Variants in CACNA2D2 observed in about 807,000 individuals in gnomAD.
CACNA2D2 encodes the protein calcium voltage-gated channel auxiliary subunit alpha2delta 2.
In CACNA2D2, 48 loss-of-function variants were observed where a neutral mutation model predicts 166.4. The observed-to-expected ratio is 0.29, with a 90% CI of 0.23 to 0.37. The LOEUF (loss-of-function observed/expected upper bound fraction) is 0.37, where lower values mean the gene tolerates loss of function less well. CACNA2D2 is among the 10% of genes least tolerant of loss of function. CACNA2D2 has a pLI of 1.00. For synonymous variants in CACNA2D2, 561 were observed against 573.7 expected, an observed-to-expected ratio of 0.98 and a Z score of 0.32; for missense variants, 1,122 against 1,433.0, an observed-to-expected ratio of 0.78 and a Z score of 3.50.
chr3:50,475,197 C>T (rs1172934673), intron 2 of CACNA2D2, among the ~76,000 whole-genome samples: 1 of 152,170 alleles, frequency 6.6e-6, no homozygotes, highest in Non-Finnish European at 1.5e-5. Flanking sequence ...ACCGAGGTTA[C>T]ATCTGCTGAC....
In CACNA2D2 at chr3:50,375,278, TG is replaced by T. The variant is rs1384216295; in HGVS notation, c.1907+365del. Among the ~76,000 whole-genome samples the T allele has an allele frequency of 1.3e-5, 2 of 152,066 alleles. No homozygotes were observed. Among genetic ancestry groups the T allele is most frequent in the African/African-American group, 4.8e-5 (2 of 41,382 alleles). ...TGTGGGCTGGCATGGGCTGTGAGGA[TG>T]CCCCGGCATTTCAGGATGGACTAGC... On this transcript the variant is annotated intron_variant, in intron 21 of 37. Coordinates refer to ENST00000424201, the MANE Select transcript of CACNA2D2 (RefSeq NM_006030.4). The surrounding 1 kb of genome is among the most constrained non-coding windows in gnomAD (Gnocchi z 4.0).
At chr3:50,441,587 A>G (rs9849892) in intron 2 of CACNA2D2, among the ~76,000 whole-genome samples, 150,707 of 152,390 alleles carry the variant, frequency 0.99, 74,524 homozygotes, top group East Asian at 1. Context: ...GGCCTGCCCT[A>G]AATGTGCCCC....
chr3:50,486,521 C>A (rs1352728220), intron 1 of CACNA2D2, among the ~76,000 whole-genome samples: 2 of 152,144 alleles, frequency 1.3e-5, no homozygotes, highest in African/African-American at 4.8e-5. Flanking sequence ...CCCCTCAGAG[C>A]AAAATCCTCT....
At position 50,377,486 on chromosome 3, in the gene CACNA2D2, C is replaced by T. The variant is rs139046100; in HGVS notation, c.1607G>A (p.Arg536Lys). The T allele has an allele frequency of 1.4e-4, 226 of 1,613,014 alleles. No individual in the cohort carries two copies. The highest frequency in any genetic ancestry group is 1.7e-4 in the Non-Finnish European group (202 of 1,179,954). Residue 536 changes from arginine (R) to lysine (K), a missense_variant, in exon 17 of 38, where the codon AGG (arginine) becomes AAG (lysine). Arg to Lys is a conservative substitution (Grantham distance 26, BLOSUM62 2). This residue lies in a region of CACNA2D2 where 840 missense variants were observed against 1,166.8 expected (regional missense o/e 0.72). Transcript: ENST00000424201. ...GIDVALNDIK[R>K]LTPNYTLGAN... The stretch of plus-strand genomic sequence containing the variant: ...GCTCACCGTGTAGTTGGGGGTCAGC[C>T]TCTTGATGTCATTCAGAGCCACGTC...
chr3:50,462,387 A>AAATAATAATAATAAT (rs55797246), intron 2 of CACNA2D2, among the ~76,000 whole-genome samples: 10 of 137,600 alleles, frequency 7.3e-5, no homozygotes, highest in Middle Eastern at 3.7e-3. Context: ...GACTGTCTCA[A>AAATAATAATAATAAT]AATAATAATA....
rs1409073548 is a variant in CACNA2D2, at chr3:50,460,722, C to T, written c.288+15396G>A. On this transcript the variant is annotated intron_variant, in intron 2 of 37. Transcript: ENST00000424201. ...ATAAAAAATTAGCCAGGCGTGGTGG[C>T]GGGCACCTGTAGTCCCAGCTACTCG... 7.2e-5 allele frequency among the ~76,000 whole-genome samples: 11 copies of T among 152,020 alleles called. No individual in the cohort carries two copies. In the East Asian group the frequency reaches 9.7e-4, roughly 13 times the overall value.
intron 1 of CACNA2D2, among the ~76,000 whole-genome samples, chr3:50,501,269 ATCC>A (rs1698951211): frequency 6.6e-6 from 1 of 152,152 alleles, no homozygotes. Context: ...ATCAATGTGC[ATCC>A]TCGTCTGCGG....
chr3:50,371,395 G>A (rs1704649991), intron 22 of CACNA2D2, among the ~76,000 whole-genome samples: 1 of 151,796 alleles, frequency 6.6e-6, no homozygotes, highest in Admixed American at 6.6e-5. Flanking sequence ...TCTCTGTATG[G>A]GTTTGAGAGT....
intron 2 of CACNA2D2, among the ~76,000 whole-genome samples, chr3:50,468,973 C>T (rs1457334845): frequency 1.3e-5 from 2 of 152,080 alleles, no homozygotes; most frequent in Admixed American, 1.3e-4. Flanking sequence ...GGATTACAGG[C>T]ATGCACCACC....
At chr3:50,482,932 G>C (rs1052172770) in intron 1 of CACNA2D2, among the ~76,000 whole-genome samples, 1 of 152,202 alleles carries the variant, frequency 6.6e-6, no homozygotes, top group African/African-American at 2.4e-5. Context: ...GAGGGCAACA[G>C]TCTAGCCGAG....
rs1414277783 is a variant in CACNA2D2, at chr3:50,381,035, C to T, written c.744G>A (p.Gln248=). The part of the protein sequence containing the change: ...NRRQDPTLLW[Q]VFGSATGVTR... ...TGACTCCTGTGGCGCTGCCGAAGAC[C>T]TGCCACAGCAGTGTGGGGTCTTGTC... The change falls in exon 7 of 38, where the codon CAG becomes CAA. Residue 248 remains glutamine (Q), a synonymous_variant. Transcript: ENST00000424201. 1 of 1,613,852 alleles carries T rather than the reference C, an allele frequency of 6.2e-7. No individual in the cohort carries two copies. Among genetic ancestry groups the T allele is most frequent in the Non-Finnish European group, 8.5e-7 (1 of 1,179,868 alleles).
intron 2 of CACNA2D2, among the ~76,000 whole-genome samples, chr3:50,462,240 C>T (rs1473600632): frequency 1.3e-5 from 2 of 151,966 alleles, no homozygotes; most frequent in African/African-American, 2.4e-5. Context: ...AATACAAAAA[C>T]GAGGCAGGTG....
In CACNA2D2 at chr3:50,365,220, G is replaced by GCCCCC; in HGVS notation, c.3099-37_3099-36insGGGGG. ...CCCGGAAAGGCGGGGCGTTGAGTTT[G>GCCCCC]CCCCGCCCTGACCCACCCCCATCCT... On this transcript the variant is annotated intron_variant, in intron 35 of 37. Coordinates refer to ENST00000424201, the MANE Select transcript of CACNA2D2 (RefSeq NM_006030.4). This position sits in a 1 kb window ranked among gnomAD's most constrained non-coding sequence, Gnocchi z 4.5. 6.3e-7 allele frequency: 1 copy of GCCCCC among 1,575,440 alleles called. No individual in the cohort carries two copies. The highest frequency in any genetic ancestry group is 8.7e-7 in the Non-Finnish European group (1 of 1,150,782).
intron 2 of CACNA2D2, among the ~76,000 whole-genome samples, chr3:50,442,172 G>A (rs1409574419): frequency 1.3e-5 from 2 of 152,196 alleles, no homozygotes; most frequent in Non-Finnish European, 2.9e-5. Flanking sequence ...TTTGGAGTGA[G>A]AAAGAATCAA....
At chr3:50,444,260 G>T (rs377050008) in intron 2 of CACNA2D2, among the ~76,000 whole-genome samples, 1 of 152,330 alleles carries the variant, frequency 6.6e-6, no homozygotes, top group East Asian at 1.9e-4. Flanking sequence ...GCAGCTGGCT[G>T]GCTTTTCATC....
In CACNA2D2 at chr3:50,364,907, C is replaced by A; in HGVS notation, c.3272G>T (p.Cys1091Phe). ...CCTCACTGTCGCGTTGTAGTCGAAG[C>A]AGATGTGCGGGCCTCTCCGGTATCG... The part of the protein sequence containing the change: ...RPRYRRGPHI[C>F]FDYNATEDTS... Residue 1091 changes from cysteine (C) to phenylalanine (F), a missense_variant, in exon 37 of 38, where the codon TGC (cysteine) becomes TTC (phenylalanine). By Grantham distance (205) the Cys-to-Phe change is radical. This residue lies in a region of CACNA2D2 where 282 missense variants were observed against 266.2 expected (regional missense o/e 1.06). Coordinates refer to ENST00000424201, the MANE Select transcript of CACNA2D2 (RefSeq NM_006030.4). The A allele has an allele frequency of 6.2e-7, 1 of 1,613,406 alleles. No homozygotes were observed. The highest frequency in any genetic ancestry group is 8.5e-7 in the Non-Finnish European group (1 of 1,179,916).
At chr3:50,454,736 T>C (rs532677255) in intron 2 of CACNA2D2, among the ~76,000 whole-genome samples, 1 of 152,102 alleles carries the variant, frequency 6.6e-6, no homozygotes, top group African/African-American at 2.4e-5. Flanking sequence ...AGCCTGTTAG[T>C]GAAGGAGGAG....
At chr3:50,446,531 C>T (rs915122194) in intron 2 of CACNA2D2, among the ~76,000 whole-genome samples, 1 of 152,204 alleles carries the variant, frequency 6.6e-6, no homozygotes, top group Non-Finnish European at 1.5e-5. Flanking sequence ...GCCCCTGACC[C>T]CTCCTTTGGG....
chr3:50,377,877 T>G, intron 15 of CACNA2D2, 74 bp from the exon 16 acceptor site: 1 of 1,495,948 alleles, frequency 6.7e-7, no homozygotes, highest in South Asian at 1.2e-5. Flanking sequence ...GAGCAGGGAC[T>G]GAGGTGCAGG....
Sources: gnomAD v4.1 joint callset for allele counts (sites outside exome capture counted in the v4.1 genomes callset) on GRCh38, gnomAD v4.1.1 for gene constraint, gnomAD v4.1.1 regional missense constraint, Gnocchi (gnomAD v3.1) non-coding constraint, MANE v1.5 for transcripts, NCBI Gene and HGNC (gene_info 2026-07-23, HGNC 2026-07-21) for gene names.